PAK5: variants seen among roughly 807,000 people sequenced by gnomAD.
PAK5 encodes the protein serine/threonine-protein kinase PAK 5.
PAK5 carries 16 observed loss-of-function variants against 65.9 expected under a neutral mutation model. That is an observed-to-expected ratio of 0.24 (90% CI 0.16 to 0.37). The LOEUF (loss-of-function observed/expected upper bound fraction) is 0.37, where lower values mean the gene tolerates loss of function less well. PAK5 is among the 10% of genes least tolerant of loss of function. The pLI is 1.00. For missense variants in PAK5, 785 were observed against 903.9 expected (o/e 0.87, Z 1.69); for synonymous variants, 371 against 354.9 (o/e 1.05, Z -0.51).
At chr20:9,611,293 C>T (rs1415949983) in intron 3 of PAK5, among the ~76,000 whole-genome samples, 3 of 152,164 alleles carry the variant, frequency 2.0e-5, no homozygotes, top group African/African-American at 7.2e-5. Context: ...TACTCTCCTC[C>T]TATCTGCCCA....
intron 1 of PAK5, among the ~76,000 whole-genome samples, chr20:9,834,726 T>C (rs898718224): frequency 6.6e-6 from 1 of 152,162 alleles, no homozygotes; most frequent in Non-Finnish European, 1.5e-5. Flanking sequence ...GTGATGATTA[T>C]GGACAGGAAT....
At chr20:9,681,333 A>T (rs1402423617) in intron 2 of PAK5, among the ~76,000 whole-genome samples, 1 of 151,948 alleles carries the variant, frequency 6.6e-6, no homozygotes, top group African/African-American at 2.4e-5. Flanking sequence ...TTTTTATTTC[A>T]TCCAGCCACA....
At chr20:9,678,069 C>A (rs1600231425) in intron 2 of PAK5, among the ~76,000 whole-genome samples, 1 of 152,338 alleles carries the variant, frequency 6.6e-6, no homozygotes, top group Non-Finnish European at 1.5e-5. Flanking sequence ...GCCTCAGTTT[C>A]TACCAATCCT....
chr20:9,821,647 C>T (rs1168322174), intron 1 of PAK5, among the ~76,000 whole-genome samples: 1 of 152,190 alleles, frequency 6.6e-6, no homozygotes, highest in African/African-American at 2.4e-5. Flanking sequence ...AGGCTGCTAA[C>T]TGCCCAACAT....
At chr20:9,814,152 G>A (rs1269632799) in intron 1 of PAK5, among the ~76,000 whole-genome samples, 1 of 152,080 alleles carries the variant, frequency 6.6e-6, no homozygotes, top group Non-Finnish European at 1.5e-5. Context: ...AGAATGGTAT[G>A]AGATGAAGTG....
chr20:9,792,904 A>T (rs1312834017), intron 1 of PAK5, among the ~76,000 whole-genome samples: 1 of 152,142 alleles, frequency 6.6e-6, no homozygotes, highest in Non-Finnish European at 1.5e-5. Flanking sequence ...CAGAAAGCGA[A>T]CAGGCAGGCA....
At chr20:9,715,810 A>C (rs1054112005) in intron 1 of PAK5, among the ~76,000 whole-genome samples, 4 of 150,484 alleles carry the variant, frequency 2.7e-5, no homozygotes, top group African/African-American at 9.8e-5. Context: ...AAAACCAAAC[A>C]CCATATGTTC....
chr20:9,716,140 T>C (rs1233902804), intron 1 of PAK5, among the ~76,000 whole-genome samples: 2 of 20,786 alleles, frequency 9.6e-5, no homozygotes, highest in Non-Finnish European at 2.0e-4. Context: ...ACTTAGAGTA[T>C]AATAAAAAAA....
chr20:9,795,701 T>C (rs1736361859), intron 1 of PAK5, among the ~76,000 whole-genome samples: 1 of 152,036 alleles, frequency 6.6e-6, no homozygotes, highest in Non-Finnish European at 1.5e-5. Flanking sequence ...ATGGAACTTA[T>C]AAAAATTTAA....
At chr20:9,652,508 T>G (rs1347925447) in intron 2 of PAK5, among the ~76,000 whole-genome samples, 1 of 152,228 alleles carries the variant, frequency 6.6e-6, no homozygotes, top group Non-Finnish European at 1.5e-5. Flanking sequence ...TCTACTACAG[T>G]GTCTCCTAAT....
chr20:9,831,336 C>A (rs1978701533), intron 1 of PAK5, among the ~76,000 whole-genome samples: 2 of 152,224 alleles, frequency 1.3e-5, no homozygotes, highest in South Asian at 4.1e-4. Context: ...GAGTTTCTTT[C>A]ATTTGCATGC....
intron 2 of PAK5, among the ~76,000 whole-genome samples, chr20:9,696,008 T>C (rs1352243564): frequency 1.3e-5 from 2 of 152,090 alleles, no homozygotes; most frequent in East Asian, 1.9e-4. Flanking sequence ...ATATATTTTA[T>C]TTAACGTAAG....
chr20:9,666,210 C>T (rs887998508), intron 2 of PAK5, among the ~76,000 whole-genome samples: 1 of 151,936 alleles, frequency 6.6e-6, no homozygotes, highest in African/African-American at 2.4e-5. Context: ...GACATGCCCT[C>T]CATTTGAGGG....
chr20:9,661,344 A>C (rs765184441), intron 2 of PAK5, among the ~76,000 whole-genome samples: 9 of 152,094 alleles, frequency 5.9e-5, no homozygotes, highest in Non-Finnish European at 1.2e-4. Flanking sequence ...CACCACCCAA[A>C]GTCTCTCCCA....
At chr20:9,835,200 T>C (rs949007054) in intron 1 of PAK5, among the ~76,000 whole-genome samples, 1 of 152,232 alleles carries the variant, frequency 6.6e-6, no homozygotes, top group African/African-American at 2.4e-5. Context: ...ATTGAGCACC[T>C]TCTGCATATA....
chr20:9,784,529 A>G (rs1043399810), intron 1 of PAK5: 1 of 152,126 alleles, frequency 6.6e-6, no homozygotes, highest in African/African-American at 2.4e-5. Flanking sequence ...GCAGAGAAAA[A>G]TCTTCTTTGT....
At chr20:9,797,651 AT>A (rs1243099978) in intron 1 of PAK5, among the ~76,000 whole-genome samples, 2 of 151,718 alleles carry the variant, frequency 1.3e-5, no homozygotes, top group East Asian at 3.9e-4. Flanking sequence ...ATAATAAAAA[AT>A]ATTCGTATAT....
At chr20:9,636,873 A>G (rs1307713649) in intron 3 of PAK5, among the ~76,000 whole-genome samples, 1 of 152,244 alleles carries the variant, frequency 6.6e-6, no homozygotes, top group South Asian at 2.1e-4. Context: ...CACATTTAAT[A>G]TAAGTTCCAA....
In PAK5 at chr20:9,565,879, AAC is replaced by A. The variant is rs541063357; in HGVS notation, c.1482+12_1482+13del. On this transcript the variant is annotated intron_variant, in intron 5 of 9. Coordinates refer to ENST00000353224, the MANE Select transcript of PAK5 (RefSeq NM_177990.4). The stretch of plus-strand genomic sequence containing the variant: ...TACAAAGGAGAGAAAGGATGACCCA[AAC>A]ACACTCTTTACCTCATTGAAAAGCA... 2.7e-3 allele frequency: 4,367 copies of A among 1,599,920 alleles called. 6 individuals are homozygous for A. Among genetic ancestry groups the A allele is most frequent in the Non-Finnish European group, 3.5e-3 (4,138 of 1,170,584 alleles).
Sources: allele counts gnomAD v4.1 joint callset (sites outside exome capture counted in the v4.1 genomes callset), GRCh38; gene constraint gnomAD v4.1.1; transcripts MANE v1.5; gene names NCBI Gene and HGNC (gene_info 2026-07-23, HGNC 2026-07-21).